ENDOD1: variants seen among roughly 807,000 people sequenced by gnomAD.
ENDOD1 encodes the protein endonuclease domain-containing 1 protein.
A neutral mutation model predicts 6.5 loss-of-function variants in ENDOD1; 9 were observed. The ratio of observed to expected loss-of-function variants is 1.39; its 90% CI spans 0.84 to 2.43. The LOEUF is 2.43. Among genes scored for constraint, ENDOD1 ranks in the 30% most tolerant of loss-of-function variants. ENDOD1 has a pLI of 0.00. For missense variants in ENDOD1, 648 were observed against 635.5 expected, an observed-to-expected ratio of 1.02 and a Z score of -0.21; for synonymous variants, 255 against 255.2, an observed-to-expected ratio of 1.00 and a Z score of 0.01.
chr11:95,091,416 C>T (rs1858929659), intron 1 of ENDOD1, among the ~76,000 whole-genome samples: 1 of 152,240 alleles, frequency 6.6e-6, no homozygotes, highest in South Asian at 2.1e-4. Context: ...ATCCTTCCAC[C>T]TACCTCAACT....
intron 1 of ENDOD1, among the ~76,000 whole-genome samples, chr11:95,113,426 T>C (rs61435388): frequency 0.058 from 8,847 of 152,192 alleles, 342 homozygotes; most frequent in African/African-American, 0.11. Flanking sequence ...TGGTAATCAT[T>C]CTTCTGCTCT....
chr11:95,110,579 A>ATGTATG (rs1859138886), intron 1 of ENDOD1, among the ~76,000 whole-genome samples: 1 of 135,148 alleles, frequency 7.4e-6, no homozygotes, highest in Admixed American at 7.4e-5. Flanking sequence ...AAGTCCGTGT[A>ATGTATG]TGTATGTGTG....
At chr11:95,092,857 C>G (rs1254982751) in intron 1 of ENDOD1, among the ~76,000 whole-genome samples, 1 of 152,220 alleles carries the variant, frequency 6.6e-6, no homozygotes, top group Non-Finnish European at 1.5e-5. Flanking sequence ...TTGGCGGCTT[C>G]CAAGCATTTT....
At chr11:95,095,508 AG>A (rs1555110227) in intron 1 of ENDOD1, among the ~76,000 whole-genome samples, 1 of 10,668 alleles carries the variant, frequency 9.4e-5, no homozygotes, top group Admixed American at 1.0e-3. Flanking sequence ...GGCCATTCTC[AG>A]GATCAAGTTA....
rs774376596 is a variant in ENDOD1, at chr11:95,128,765, G to T, written c.689G>T (p.Gly230Val). ...WLAACCAVPG[G>V]GWAMGFVKHT... The stretch of plus-strand genomic sequence containing the variant: ...GCAGCCTGTTGTGCTGTCCCTGGAG[G>T]AGGCTGGGCCATGGGCTTTGTCAAG... Residue 230 changes from glycine (G) to valine (V), a missense_variant, in exon 2 of 2, where the codon GGA (glycine) becomes GTA (valine). Gly to Val is a moderately radical substitution (Grantham distance 109). Transcript: ENST00000278505. The T allele has an allele frequency of 1.2e-6, 2 of 1,614,196 alleles. No individual in the cohort carries two copies. The highest frequency in any genetic ancestry group is 2.2e-5 in the South Asian group (2 of 91,084).
intron 1 of ENDOD1, among the ~76,000 whole-genome samples, chr11:95,122,623 CAG>C (rs1491196655): frequency 6.6e-5 from 10 of 150,878 alleles, no homozygotes; most frequent in Non-Finnish European, 1.3e-4. Flanking sequence ...CACACACACA[CAG>C]ACACTTTAGC....
rs778881994 is a variant in ENDOD1 at position 95,128,645 on chromosome 11, G to A, written c.569G>A (p.Cys190Tyr). 1 of 1,614,154 alleles carries A rather than the reference G, an allele frequency of 6.2e-7. No homozygotes were observed. The highest frequency in any genetic ancestry group is 2.2e-5 in the East Asian group (1 of 44,882). ...ATGGACCGGGCTTTGACCCCACAGT[G>A]TGGCAGTGGGGAAGACCTATATATC... ...SLMDRALTPQ[C>Y]GSGEDLYILT... Residue 190 changes from cysteine to tyrosine, a missense_variant, in exon 2 of 2, where the codon TGT (cysteine) becomes TAT (tyrosine). Coordinates refer to ENST00000278505, the MANE Select transcript of ENDOD1 (RefSeq NM_015036.3).
intron 1 of ENDOD1, among the ~76,000 whole-genome samples, chr11:95,098,919 C>T (rs1692561592): frequency 6.6e-6 from 1 of 152,110 alleles, no homozygotes; most frequent in South Asian, 2.1e-4. Flanking sequence ...TGGGTGAGCT[C>T]CTATTGAATG....
Position 95,123,588 on chromosome 11 carries a change from C to CAAAAAA in ENDOD1, c.301-4777_301-4772dup, listed in dbSNP as rs71930134. On this transcript the variant is annotated intron_variant, in intron 1 of 1. Transcript: ENST00000278505. The stretch of plus-strand genomic sequence containing the variant: ...TTGATTCAGGAGGTAGTATAAATAC[C>CAAAAAA]AAAAAAAAAAAAAAAAATTTAAGCA... 7.5e-4 allele frequency among the ~76,000 whole-genome samples: 101 copies of CAAAAAA among 134,976 alleles called. 1 individual carries two copies. Among genetic ancestry groups the CAAAAAA allele is most frequent in the Middle Eastern group, 4.1e-3 (1 of 246 alleles). The allele number at this position is 134,976 out of a possible 152,430, so 88.5% of individuals were successfully genotyped here.
At chr11:95,110,343 C>A (rs654499) in intron 1 of ENDOD1, among the ~76,000 whole-genome samples, 56,105 of 152,096 alleles carry the variant, frequency 0.37, 11,887 homozygotes, top group East Asian at 0.67. Flanking sequence ...CTTCTTCTTC[C>A]ATTGATCCCA....
intron 1 of ENDOD1, among the ~76,000 whole-genome samples, chr11:95,103,747 GCATGGGA>G (rs1859063670): frequency 6.6e-6 from 1 of 152,200 alleles, no homozygotes. Flanking sequence ...CCCATCTGTG[GCATGGGA>G]CTAATAAATT....
rs1176499687 is a variant in ENDOD1 at position 95,090,223 on chromosome 11, C to T, written c.296C>T (p.Pro99Leu). 2.9e-6 allele frequency: 4 copies of T among 1,375,696 alleles called. No homozygotes were observed. Among genetic ancestry groups the T allele is most frequent in the South Asian group, 1.6e-5 (1 of 61,130 alleles). The allele number at this position is 1,375,696 out of a possible 1,614,324, so 85.2% of individuals were successfully genotyped here. A position where few individuals can be genotyped will look rare whatever the true frequency, so the allele number is the denominator to read the frequency against. The change falls in exon 1 of 2, where the codon CCG becomes CTG. Residue 99 changes from proline to leucine, a missense_variant. Coordinates refer to ENST00000278505, the MANE Select transcript of ENDOD1 (RefSeq NM_015036.3). ...GGAEQRWLVE[P>L]QIDDPNSNLE... ...GCCGAGCAGCGATGGCTGGTGGAGCCGCAGGTAAGCGAAGTGGTTCCCGAG... is the reference window on the plus strand; with the variant it reads ...GCCGAGCAGCGATGGCTGGTGGAGCTGCAGGTAAGCGAAGTGGTTCCCGAG...
Position 95,128,723 on chromosome 11 carries a change from C to T in ENDOD1, c.647C>T (p.Pro216Leu). 6.2e-7 allele frequency: 1 copy of T among 1,614,138 alleles called. No individual in the cohort carries two copies. Among genetic ancestry groups the T allele is most frequent in the African/African-American group, 1.3e-5 (1 of 75,032 alleles). ...AGAGTTAAAGACAAAGTGGCAGTCCCTGAGTTTGTTTGGCTGGCAGCCTGT... is the reference window on the plus strand; with the variant it reads ...AGAGTTAAAGACAAAGTGGCAGTCCTTGAGTTTGTTTGGCTGGCAGCCTGT... Reference protein sequence around the residue: ...DYRVKDKVAVPEFVWLAACCA... With the variant: ...DYRVKDKVAVLEFVWLAACCA... The change falls in exon 2 of 2, where the codon CCT (proline) becomes CTT (leucine). Residue 216 changes from proline (P) to leucine (L), a missense_variant. Physicochemically the swap from Pro to Leu is moderately conservative, Grantham distance 98. Coordinates refer to ENST00000278505, the MANE Select transcript of ENDOD1 (RefSeq NM_015036.3).
intron 1 of ENDOD1, among the ~76,000 whole-genome samples, chr11:95,124,961 C>T (rs1008123034): frequency 3.3e-5 from 5 of 152,098 alleles, no homozygotes; most frequent in Admixed American, 1.3e-4. Flanking sequence ...ATGCCATGCA[C>T]GTTCTCTCTC....
In ENDOD1 at chr11:95,128,590, G is replaced by A. The variant is rs141647021; in HGVS notation, c.514G>A (p.Glu172Lys). 6.2e-7 allele frequency: 1 copy of A among 1,614,214 alleles called. No individual in the cohort carries two copies. The highest frequency in any genetic ancestry group is 1.1e-5 in the South Asian group (1 of 91,078). The change falls in exon 2 of 2, where the codon GAA (glutamate) becomes AAA (lysine). Residue 172 changes from glutamate (E) to lysine (K), a missense_variant. Glu to Lys is a moderately conservative substitution (Grantham distance 56). Transcript: ENST00000278505. ...AGCCCCAATGACTCAGTCCTTCCAG[G>A]AACGGTGGTATGTGAATCTCCACAG... ...NSAPMTQSFQ[E>K]RWYVNLHSLM...
At chr11:95,093,823 A>T (rs1255500474) in intron 1 of ENDOD1, among the ~76,000 whole-genome samples, 3 of 152,188 alleles carry the variant, frequency 2.0e-5, no homozygotes, top group Non-Finnish European at 4.4e-5. Flanking sequence ...CCTGCTCTGC[A>T]GCCACTCCAT....
chr11:95,090,030 GACA>G lies in ENDOD1; in HGVS notation c.105_107del (p.Asp35_Lys36delinsGlu). On this transcript the variant is annotated inframe_deletion, in exon 1 of 2. Transcript: ENST00000278505. ...GGAGGAAGCCGGCTTTGGCGAATGT[GACA>G]AGTTCTTCTACGCCGGGACCCCGCC... 6.3e-7 allele frequency: 1 copy of G among 1,596,530 alleles called. No individual in the cohort carries two copies. The highest frequency in any genetic ancestry group is 8.5e-7 in the Non-Finnish European group (1 of 1,173,012).
intron 1 of ENDOD1, among the ~76,000 whole-genome samples, chr11:95,123,803 C>T (rs1160793369): frequency 6.6e-6 from 1 of 152,046 alleles, no homozygotes; most frequent in South Asian, 2.1e-4. Flanking sequence ...TCCGGCTGGG[C>T]GTGGTGGTTC....
chr11:95,127,222 G>C (rs1859320327), intron 1 of ENDOD1, among the ~76,000 whole-genome samples: 1 of 152,064 alleles, frequency 6.6e-6, no homozygotes, highest in African/African-American at 2.4e-5. Flanking sequence ...GTTAGTTTGG[G>C]GGATAATGAC....
Sources: allele counts gnomAD v4.1 joint callset (sites outside exome capture counted in the v4.1 genomes callset), GRCh38; gene constraint gnomAD v4.1.1; transcripts MANE v1.5; gene names NCBI Gene and HGNC (gene_info 2026-07-23, HGNC 2026-07-21).